Variants in CNTNAP2 observed in about 807,000 individuals in gnomAD.
The protein encoded by CNTNAP2 is contactin associated protein 2, also known as contactin-associated protein-like 2.
CNTNAP2 carries 98 observed loss-of-function variants against 155.2 expected under a neutral mutation model. That is an observed-to-expected ratio of 0.63 (90% CI 0.54 to 0.75). The LOEUF is 0.75. Among genes scored for constraint, CNTNAP2 ranks in the 30% least tolerant of loss-of-function variants. The probability of loss-of-function intolerance (pLI) is 0.00; values close to 1 mark genes in which losing one functional copy is unlikely to be tolerated. For missense variants in CNTNAP2, 1,727 were observed against 1,688.1 expected (o/e 1.02, Z -0.40); for synonymous variants, 651 against 631.2 (o/e 1.03, Z -0.47).
At chr7:148,245,704 C>A (rs762548062) in intron 20 of CNTNAP2, among the ~76,000 whole-genome samples, 3 of 152,160 alleles carry the variant, frequency 2.0e-5, no homozygotes, top group Admixed American at 6.5e-5. Context: ...AACACACAAT[C>A]CAAGTCCAAA....
At chr7:148,289,071 A>G (rs1276902988) in intron 21 of CNTNAP2, among the ~76,000 whole-genome samples, 1 of 151,708 alleles carries the variant, frequency 6.6e-6, no homozygotes, top group East Asian at 1.9e-4. Context: ...CCCTTTGATT[A>G]CCCCAATATT....
chr7:147,732,181 T>TCCCCCCCC (rs199519152), intron 13 of CNTNAP2, among the ~76,000 whole-genome samples: 122 of 108,550 alleles, frequency 1.1e-3, no homozygotes, highest in Non-Finnish European at 1.6e-3. Context: ...ATGCTATCCC[T>TCCCCCCCC]CCCCCCCCCA....
intron 9 of CNTNAP2, among the ~76,000 whole-genome samples, chr7:147,355,161 T>C (rs1483763750): frequency 1.3e-5 from 2 of 151,922 alleles, no homozygotes; most frequent in African/African-American, 4.8e-5. Context: ...GGAACCCGTA[T>C]ACTTGAGGGA....
intron 10 of CNTNAP2, among the ~76,000 whole-genome samples, chr7:147,451,843 C>A (rs73457404): frequency 0.019 from 2,908 of 151,702 alleles, 105 homozygotes; most frequent in African/African-American, 0.067. Flanking sequence ...TAAAAAGTGA[C>A]TGGGTCATTA....
chr7:147,382,796 T>C lies in CNTNAP2; in HGVS notation c.1499-12813T>C, dbSNP rs992133660. 7.9e-5 allele frequency among the ~76,000 whole-genome samples: 12 copies of C among 152,074 alleles called. No individual in the cohort carries two copies. The South Asian group carries it at 1.2e-3, about 16-fold the overall frequency. On this transcript the variant is annotated intron_variant, in intron 9 of 23. Coordinates refer to ENST00000361727, the MANE Select transcript of CNTNAP2 (RefSeq NM_014141.6). The stretch of plus-strand genomic sequence containing the variant: ...AGAGACAAGAAGTCAGTACAGGAGG[T>C]TGAAATGTGATTGTCAGAAAAGTAG...
chr7:147,534,970 G>T (rs1164151097), intron 11 of CNTNAP2, among the ~76,000 whole-genome samples: 1 of 152,012 alleles, frequency 6.6e-6, no homozygotes, highest in African/African-American at 2.4e-5. Context: ...AGGAAGCTGG[G>T]GTCTGGGGCC....
chr7:146,574,702 AAAACAAAC>A (rs1179844646), intron 1 of CNTNAP2, among the ~76,000 whole-genome samples: 2 of 152,184 alleles, frequency 1.3e-5, no homozygotes, highest in Non-Finnish European at 2.9e-5. Flanking sequence ...TCCATCTCAA[AAAACAAAC>A]AAACAAACAA....
At chr7:147,591,342 G>C (rs1800730608) in intron 12 of CNTNAP2, among the ~76,000 whole-genome samples, 1 of 152,032 alleles carries the variant, frequency 6.6e-6, no homozygotes, top group Non-Finnish European at 1.5e-5. Flanking sequence ...CTTTCTCTTT[G>C]TGTTTTCAAA....
At chr7:147,871,055 C>A (rs1472966549) in intron 13 of CNTNAP2, among the ~76,000 whole-genome samples, 3 of 152,182 alleles carry the variant, frequency 2.0e-5, no homozygotes, top group African/African-American at 7.2e-5. Context: ...GCCCCTCGGT[C>A]ACCCATGAAC....
chr7:146,758,956 A>G (rs1802038365), intron 1 of CNTNAP2, among the ~76,000 whole-genome samples: 1 of 152,166 alleles, frequency 6.6e-6, no homozygotes, highest in Non-Finnish European at 1.5e-5. Flanking sequence ...TCAATTTGCT[A>G]CTTATCACTG....
chr7:148,349,399 AAATC>A (rs112486709), intron 21 of CNTNAP2, among the ~76,000 whole-genome samples: 3 of 1,096 alleles, frequency 2.7e-3, no homozygotes, highest in Non-Finnish European at 4.8e-3. Context: ...ATTGCAAAAA[AAATC>A]TCTCTTTTTT....
chr7:147,001,860 G>T (rs192313878), intron 3 of CNTNAP2, among the ~76,000 whole-genome samples: 2 of 151,862 alleles, frequency 1.3e-5, no homozygotes, highest in East Asian at 3.9e-4. Context: ...ACAGGGGAAG[G>T]AAAGCTTAAA....
At chr7:147,975,430 T>C (rs1801412940) in intron 14 of CNTNAP2, among the ~76,000 whole-genome samples, 1 of 150,346 alleles carries the variant, frequency 6.7e-6, no homozygotes, top group African/African-American at 2.5e-5. Context: ...CCTTTCAGAT[T>C]TTCATGATCA....
intron 3 of CNTNAP2, among the ~76,000 whole-genome samples, chr7:147,040,632 T>C (rs1427983766): frequency 6.6e-6 from 1 of 151,838 alleles, no homozygotes; most frequent in Non-Finnish European, 1.5e-5. Context: ...GGCTGATTTT[T>C]GTATTTTTAG....
intron 1 of CNTNAP2, among the ~76,000 whole-genome samples, chr7:146,395,859 A>C (rs946311172): frequency 1.3e-5 from 2 of 148,740 alleles, no homozygotes; most frequent in African/African-American, 5.1e-5. Flanking sequence ...GAGAGAGATT[A>C]GATGGACAGG....
intron 2 of CNTNAP2, among the ~76,000 whole-genome samples, chr7:146,781,844 G>GC (rs1397525282): frequency 6.6e-6 from 1 of 152,060 alleles, no homozygotes; most frequent in Admixed American, 6.6e-5. Context: ...TAGAACTGCA[G>GC]CTGATATACT....
chr7:146,515,163 C>T (rs928726596), intron 1 of CNTNAP2, among the ~76,000 whole-genome samples: 3 of 152,064 alleles, frequency 2.0e-5, no homozygotes, highest in African/African-American at 7.2e-5. Context: ...ACTATGGTTG[C>T]AAGCCCCTCT....
At chr7:148,350,041 G>A (rs1367740358) in intron 21 of CNTNAP2, among the ~76,000 whole-genome samples, 1 of 152,214 alleles carries the variant, frequency 6.6e-6, no homozygotes, top group African/African-American at 2.4e-5. Flanking sequence ...ATGATGGATG[G>A]TGGGGAGACC....
At chr7:148,069,579 G>A (rs1243981640) in intron 15 of CNTNAP2, among the ~76,000 whole-genome samples, 1 of 151,990 alleles carries the variant, frequency 6.6e-6, no homozygotes, top group Non-Finnish European at 1.5e-5. Context: ...TGGCTAACAC[G>A]GTGAAACCCC....
Sources: allele counts gnomAD v4.1 joint callset (sites outside exome capture counted in the v4.1 genomes callset), GRCh38; gene constraint gnomAD v4.1.1; transcripts MANE v1.5; gene names NCBI Gene and HGNC (gene_info 2026-07-23, HGNC 2026-07-21).